Variants in RASA1 observed in about 807,000 individuals in gnomAD.
RASA1 encodes ras GTPase-activating protein 1.
RASA1 carries 25 observed loss-of-function variants against 132.2 expected under a neutral mutation model. That is an observed-to-expected ratio of 0.19 (90% CI 0.14 to 0.26). The LOEUF (loss-of-function observed/expected upper bound fraction) is 0.26. RASA1 is among the 10% of genes least tolerant of loss of function. The pLI, the probability that RASA1 is intolerant of heterozygous loss-of-function variation, is 1.00. For missense variants in RASA1, 964 were observed against 1,299.2 expected (o/e 0.74, Z 3.97); for synonymous variants, 477 against 449.9 (o/e 1.06, Z -0.76).
At position 87,268,438 on chromosome 5, in the gene RASA1, G is replaced by A. The variant is rs1297298800; in HGVS notation, c.-14G>A. On this transcript the variant is annotated 5_prime_UTR_variant, in exon 1 of 25. Coordinates refer to ENST00000274376, the MANE Select transcript of RASA1 (RefSeq NM_002890.3). Reference sequence around the variant, plus strand: ...CGGGCGGGCAGGGTAGGGCAGAGTAGAGCGGGCTTCAACATGATGGCGGCC... The same window carrying A: ...CGGGCGGGCAGGGTAGGGCAGAGTAAAGCGGGCTTCAACATGATGGCGGCC... The A allele has an allele frequency of 1.0e-5, 16 of 1,539,598 alleles. No homozygotes were observed. The highest frequency in any genetic ancestry group is 1.4e-5 in the Non-Finnish European group (16 of 1,141,568).
intron 1 of RASA1, among the ~76,000 whole-genome samples, chr5:87,289,784 A>G (rs1210132055): frequency 6.6e-6 from 1 of 151,868 alleles, no homozygotes; most frequent in Non-Finnish European, 1.5e-5. Context: ...CTAATGCTTT[A>G]TTTTTTGTAT....
intron 1 of RASA1, among the ~76,000 whole-genome samples, chr5:87,283,394 A>G (rs1754408287): frequency 6.6e-6 from 1 of 151,918 alleles, no homozygotes; most frequent in Non-Finnish European, 1.5e-5. Context: ...GGTTCTTGGT[A>G]TGATGGGTGA....
At position 87,390,657 on chromosome 5, in the gene RASA1, TAGAG is replaced by T. The variant is rs1580421664; in HGVS notation, c.3061-141_3061-138del. 9 of 731,422 alleles carry T rather than the reference TAGAG, an allele frequency of 1.2e-5. No homozygotes were observed. The East Asian group carries it at 2.4e-4, about 20-fold the overall frequency. The allele number at this position is 731,422 out of a possible 1,614,324, so 45.3% of individuals were successfully genotyped here. The stretch of plus-strand genomic sequence containing the variant: ...AAATACTCAGCCAATGACTGAATAA[TAGAG>T]ACTTATGTTTTGAGGGGAATTGTGG... On this transcript the variant is annotated intron_variant, in intron 24 of 24. Transcript: ENST00000274376.
At chr5:87,306,470 G>T (rs925068841) in intron 1 of RASA1, among the ~76,000 whole-genome samples, 3 of 151,992 alleles carry the variant, frequency 2.0e-5, no homozygotes, top group Non-Finnish European at 4.4e-5. Flanking sequence ...GAGGGTGGAG[G>T]GTGGTAGGAG....
In RASA1 at chr5:87,391,666, T is replaced by C. The variant is rs968222666; in HGVS notation, c.*783T>C. 7 of 233,072 alleles carry C rather than the reference T, an allele frequency of 3.0e-5. No homozygotes were observed. Among genetic ancestry groups the C allele is most frequent in the South Asian group, 3.6e-4 (2 of 5,562 alleles). The allele number at this position is 233,072 out of a possible 1,614,324, so 14.4% of individuals were successfully genotyped here. A position where few individuals can be genotyped will look rare whatever the true frequency, so the allele number is the denominator to read the frequency against. Reference sequence around the variant, plus strand: ...GCATGTTACCCATTCAACCATTTTATAGACTACCAATTTCTTTTATGTTAA... The same window carrying C: ...GCATGTTACCCATTCAACCATTTTACAGACTACCAATTTCTTTTATGTTAA... On this transcript the variant is annotated 3_prime_UTR_variant, in exon 25 of 25. Coordinates refer to ENST00000274376, the MANE Select transcript of RASA1 (RefSeq NM_002890.3).
chr5:87,354,542 G>T (rs191346820), intron 9 of RASA1, among the ~76,000 whole-genome samples: 1 of 152,230 alleles, frequency 6.6e-6, no homozygotes, highest in Admixed American at 6.5e-5. Flanking sequence ...TGACTGGCTG[G>T]TTCTGTTTCT....
At chr5:87,275,367 A>G (rs1450357966) in intron 1 of RASA1, among the ~76,000 whole-genome samples, 1 of 152,162 alleles carries the variant, frequency 6.6e-6, no homozygotes, top group African/African-American at 2.4e-5. Flanking sequence ...GGCTAAAACA[A>G]TTGTGTATTT....
intron 1 of RASA1, among the ~76,000 whole-genome samples, chr5:87,311,844 T>C (rs946049035): frequency 2.0e-5 from 3 of 152,238 alleles, no homozygotes; most frequent in Non-Finnish European, 4.4e-5. Context: ...ATAATCTGTA[T>C]GGTGTGGCTG....
intron 6 of RASA1, 98 bp downstream of exon 6, chr5:87,341,419 G>A: frequency 1.4e-6 from 1 of 730,686 alleles, no homozygotes; most frequent in Admixed American, 4.3e-5. Flanking sequence ...TTAAGGTTTT[G>A]GACTGACTTA....
At chr5:87,306,205 A>G (rs1033726717) in intron 1 of RASA1, among the ~76,000 whole-genome samples, 4 of 152,228 alleles carry the variant, frequency 2.6e-5, no homozygotes, top group African/African-American at 9.6e-5. Flanking sequence ...TAGCAGAGAC[A>G]TGGAATCAGT....
At chr5:87,376,320 C>A in intron 15 of RASA1, 73 bp from the exon 16 acceptor site, 4 of 1,549,090 alleles carry the variant, frequency 2.6e-6, no homozygotes, top group South Asian at 1.1e-5. Context: ...GACTGAACAC[C>A]AGGAAAATTT....
rs182603054 is a variant in RASA1, at chr5:87,391,735, A to G, written c.*852A>G. The G allele has an allele frequency of 1.2e-4, 27 of 232,762 alleles. No homozygotes were observed. The highest frequency in any genetic ancestry group is 2.2e-4 in the Non-Finnish European group (26 of 117,606). 14.4% of individuals were successfully genotyped at this position (232,762 alleles called of 1,614,324 possible). On this transcript the variant is annotated 3_prime_UTR_variant, in exon 25 of 25. Transcript: ENST00000274376. ...AAGTTATTTGTTCATTATTTGTGCTACCCCTTTGATTATGCAGACAACCTC... is the reference window on the plus strand; with the variant it reads ...AAGTTATTTGTTCATTATTTGTGCTGCCCCTTTGATTATGCAGACAACCTC...
Position 87,391,576 on chromosome 5 carries a change from T to C in RASA1, c.*693T>C, listed in dbSNP as rs754435063. 6 of 235,506 alleles carry C rather than the reference T, an allele frequency of 2.5e-5. No homozygotes were observed. Among genetic ancestry groups the C allele is most frequent in the Admixed American group, 2.2e-4 (4 of 18,348 alleles). 14.6% of individuals were successfully genotyped at this position (235,506 alleles called of 1,614,324 possible). A position where few individuals can be genotyped will look rare whatever the true frequency, so the allele number is the denominator to read the frequency against. On this transcript the variant is annotated 3_prime_UTR_variant, in exon 25 of 25. Transcript: ENST00000274376. ...ACTGTATTTAGATCTCATAATGCTT[T>C]GTTAAATGTTTACAAGTAAATAGTT...
intron 24 of RASA1, 101 bp from the exon 25 acceptor site, chr5:87,390,699 C>G (rs1762449087): frequency 1.1e-6 from 1 of 877,172 alleles, no homozygotes; most frequent in Non-Finnish European, 1.9e-6. Context: ...ATATTTTATG[C>G]ATCCTTTTGC....
intron 1 of RASA1, among the ~76,000 whole-genome samples, chr5:87,286,462 A>G (rs1446558351): frequency 6.6e-6 from 1 of 151,992 alleles, no homozygotes; most frequent in Admixed American, 6.6e-5. Flanking sequence ...CTGATACATT[A>G]TGACACAGAG....
chr5:87,289,956 T>A (rs1754844745), intron 1 of RASA1, among the ~76,000 whole-genome samples: 2 of 152,038 alleles, frequency 1.3e-5, no homozygotes, highest in Non-Finnish European at 2.9e-5. Flanking sequence ...GTGGTTTCTA[T>A]ATTAGTCACT....
At chr5:87,331,533 A>G in intron 2 of RASA1, 33 bp downstream of exon 2, 1 of 1,602,362 alleles carries the variant, frequency 6.2e-7, no homozygotes, top group African/African-American at 1.3e-5. Context: ...AAGCCAAATG[A>G]TGTAGCTATT....
rs1397791146 is a variant in RASA1, at chr5:87,309,647, TA to T, written c.540-21700del. ...GTTATGTGAGCACATGCACATCTTG[TA>T]TTTTGCCTGCTTTCATATATTTTGT... On this transcript the variant is annotated intron_variant, in intron 1 of 24. Transcript: ENST00000274376. Among the ~76,000 whole-genome samples the T allele has an allele frequency of 2.0e-5, 3 of 152,120 alleles. No individual in the cohort carries two copies. In the East Asian group the frequency reaches 5.8e-4, roughly 29 times the overall value.
chr5:87,276,571 T>C (rs994074922), intron 1 of RASA1, among the ~76,000 whole-genome samples: 38 of 152,270 alleles, frequency 2.5e-4, no homozygotes, highest in Middle Eastern at 6.8e-3. Flanking sequence ...GAGGCATTAC[T>C]GGTAGGGAAA....
Sources: gnomAD v4.1 joint callset for allele counts (sites outside exome capture counted in the v4.1 genomes callset) on GRCh38, gnomAD v4.1.1 for gene constraint, MANE v1.5 for transcripts, NCBI Gene and HGNC (gene_info 2026-07-23, HGNC 2026-07-21) for gene names.